Variants in SLC24A2 observed in about 807,000 individuals in gnomAD.
The protein encoded by SLC24A2 is solute carrier family 24 member 2.
A neutral mutation model predicts 62.0 loss-of-function variants in SLC24A2; 36 were observed. The observed-to-expected ratio is 0.58, with a 90% CI of 0.44 to 0.77. SLC24A2 has a LOEUF of 0.77. SLC24A2 is among the 30% of genes least tolerant of loss of function. SLC24A2 has a pLI of 0.00. For synonymous variants in SLC24A2, 358 were observed against 294.0 expected (o/e 1.22, Z -2.23); for missense variants, 846 against 817.9 (o/e 1.03, Z -0.42).
At chr9:19,645,637 T>C (rs1408867689) in intron 2 of SLC24A2, among the ~76,000 whole-genome samples, 2 of 152,080 alleles carry the variant, frequency 1.3e-5, no homozygotes, top group Admixed American at 6.5e-5. Flanking sequence ...TCAGGCCAAG[T>C]ACAGAGCGGC....
At chr9:19,798,275 G>A in the SLC24A2 span, among the ~76,000 whole-genome samples, 2 of 152,008 alleles carry the variant, frequency 1.3e-5, no homozygotes, top group Non-Finnish European at 2.9e-5. Context: ...AATGTTAGTA[G>A]TATTGATTTG....
At chr9:20,103,588 G>A in the SLC24A2 span, among the ~76,000 whole-genome samples, 2 of 152,198 alleles carry the variant, frequency 1.3e-5, no homozygotes, top group African/African-American at 4.8e-5. Flanking sequence ...CAGGCAAACA[G>A]GGTCTGGAGT....
At chr9:20,075,180 T>C in the SLC24A2 span, among the ~76,000 whole-genome samples, 3 of 152,176 alleles carry the variant, frequency 2.0e-5, no homozygotes, top group South Asian at 2.1e-4. Context: ...AACAGCAAAG[T>C]AGAAATGAAA....
intron 2 of SLC24A2, among the ~76,000 whole-genome samples, chr9:19,720,762 C>T (rs1490250663): frequency 7.1e-6 from 1 of 141,174 alleles, no homozygotes; most frequent in African/African-American, 2.6e-5. Context: ...ATCTCAATAA[C>T]AAACACTTAA....
At chr9:19,941,547 A>T in the SLC24A2 span, among the ~76,000 whole-genome samples, 1 of 122,566 alleles carries the variant, frequency 8.2e-6, no homozygotes, top group Non-Finnish European at 1.8e-5. Context: ...GTTTTTGTAG[A>T]GGACTGGGAG....
the SLC24A2 span, among the ~76,000 whole-genome samples, chr9:20,301,880 C>T: frequency 1.3e-5 from 2 of 152,094 alleles, no homozygotes; most frequent in African/African-American, 2.4e-5. Flanking sequence ...TGCCCTAAAA[C>T]CCCTCTGTAC....
chr9:20,063,012 G>A, the SLC24A2 span, among the ~76,000 whole-genome samples: 1 of 118,830 alleles, frequency 8.4e-6, no homozygotes, highest in Non-Finnish European at 1.7e-5. Context: ...GAGAGGATAT[G>A]GAGAAATAGG....
At chr9:19,788,446 A>C (rs1823244979) in intron 1 of SLC24A2, 2 of 939,894 alleles carry the variant, frequency 2.1e-6, no homozygotes, top group Non-Finnish European at 2.5e-6. Flanking sequence ...GTTCGCCCCC[A>C]GCCGCGCCCC....
the SLC24A2 span, among the ~76,000 whole-genome samples, chr9:19,921,847 T>G: frequency 6.6e-6 from 1 of 152,144 alleles, no homozygotes; most frequent in Non-Finnish European, 1.5e-5. Flanking sequence ...GGATATCTTA[T>G]TGATATGAAA....
the SLC24A2 span, among the ~76,000 whole-genome samples, chr9:20,002,365 C>CTTT: frequency 1.5e-5 from 2 of 130,252 alleles, no homozygotes; most frequent in African/African-American, 2.8e-5. Flanking sequence ...AGCTACAAAC[C>CTTT]TTTTTTTTTT....
At chr9:19,590,218 T>C (rs1282287703) in intron 5 of SLC24A2, among the ~76,000 whole-genome samples, 1 of 152,222 alleles carries the variant, frequency 6.6e-6, no homozygotes, top group Non-Finnish European at 1.5e-5. Flanking sequence ...TGCTACATCC[T>C]CGTTCACTTT....
chr9:19,896,420 A>G, the SLC24A2 span, among the ~76,000 whole-genome samples: 1 of 152,212 alleles, frequency 6.6e-6, no homozygotes, highest in African/African-American at 2.4e-5. Context: ...TGAAATGCCA[A>G]TTTGCTCAAG....
At chr9:20,185,834 G>C in the SLC24A2 span, among the ~76,000 whole-genome samples, 1 of 152,092 alleles carries the variant, frequency 6.6e-6, no homozygotes, top group Non-Finnish European at 1.5e-5. Context: ...TAAAAAGCTA[G>C]ATTTGATTGC....
At chr9:20,185,105 G>T in the SLC24A2 span, among the ~76,000 whole-genome samples, 1 of 152,044 alleles carries the variant, frequency 6.6e-6, no homozygotes, top group Non-Finnish European at 1.5e-5. Flanking sequence ...GGGATGTTGG[G>T]GAGATGTTGG....
the SLC24A2 span, among the ~76,000 whole-genome samples, chr9:20,239,954 C>A: frequency 6.6e-6 from 1 of 151,870 alleles, no homozygotes; most frequent in East Asian, 1.9e-4. Flanking sequence ...TCAATTTGCC[C>A]ATGAATGGGT....
At chr9:19,567,909 A>G (rs76826110) in intron 7 of SLC24A2, among the ~76,000 whole-genome samples, 1 of 152,314 alleles carries the variant, frequency 6.6e-6, no homozygotes, top group East Asian at 1.9e-4. Context: ...AATGCTCTCT[A>G]TTGCCACGGT....
the SLC24A2 span, among the ~76,000 whole-genome samples, chr9:20,095,760 T>TAA: frequency 5.4e-5 from 8 of 148,580 alleles, no homozygotes; most frequent in South Asian, 4.3e-4. Context: ...GGTAATTTAT[T>TAA]AAAAAAAAAA....
chr9:19,570,710 C>A lies in SLC24A2; in HGVS notation c.1347+2641G>T, dbSNP rs372571088. 9.2e-5 allele frequency among the ~76,000 whole-genome samples: 14 copies of A among 152,288 alleles called. No individual in the cohort carries two copies. The East Asian group carries it at 2.1e-3, about 23-fold the overall frequency. On this transcript the variant is annotated intron_variant, in intron 7 of 10. Transcript: ENST00000341998. ...TTTCATTTAACCCTTATGATAGCTGCAATGAAGCAAGTACTGTTGCTATCT... is the reference window on the plus strand; with the variant it reads ...TTTCATTTAACCCTTATGATAGCTGAAATGAAGCAAGTACTGTTGCTATCT...
the SLC24A2 span, among the ~76,000 whole-genome samples, chr9:20,286,912 A>G: frequency 8.5e-5 from 13 of 152,176 alleles, no homozygotes; most frequent in African/African-American, 2.9e-4. Flanking sequence ...CTCCTTAACA[A>G]TTGCACTAGA....
Sources: gnomAD v4.1 joint callset for allele counts (sites outside exome capture counted in the v4.1 genomes callset) on GRCh38, gnomAD v4.1.1 for gene constraint, MANE v1.5 for transcripts, NCBI Gene and HGNC (gene_info 2026-07-23, HGNC 2026-07-21) for gene names.